Variants in UBE2E2 observed in about 807,000 individuals in gnomAD.
The protein encoded by UBE2E2 is ubiquitin conjugating enzyme E2 E2.
A neutral mutation model predicts 24.7 loss-of-function variants in UBE2E2; 6 were observed. That is an observed-to-expected ratio of 0.24 (90% CI 0.13 to 0.48). The LOEUF is 0.48. UBE2E2 is among the 20% of genes least tolerant of loss of function. The pLI, the probability that UBE2E2 is intolerant of heterozygous loss-of-function variation, is 0.99. For synonymous variants in UBE2E2, 104 were observed against 83.6 expected (o/e 1.24, Z -1.33); for missense variants, 169 against 245.0 (o/e 0.69, Z 2.07).
At chr3:23,514,393 A>G (rs980243591) in intron 4 of UBE2E2, among the ~76,000 whole-genome samples, 1 of 152,172 alleles carries the variant, frequency 6.6e-6, no homozygotes, top group Non-Finnish European at 1.5e-5. Context: ...TAGCCTGTGT[A>G]TCCTTAACAC....
intron 3 of UBE2E2, among the ~76,000 whole-genome samples, chr3:23,237,376 T>A (rs1047612542): frequency 1.2e-4 from 18 of 152,206 alleles, no homozygotes; most frequent in Non-Finnish European, 2.4e-4. Context: ...TCTGCATGTC[T>A]TATTTTTCTC....
At chr3:23,514,413 C>G (rs946768666) in intron 4 of UBE2E2, among the ~76,000 whole-genome samples, 8 of 152,038 alleles carry the variant, frequency 5.3e-5, no homozygotes, top group Non-Finnish European at 1.2e-4. Flanking sequence ...CTTCTGAAAT[C>G]TTTTTTGCCC....
chr3:23,356,857 A>G (rs750807100), intron 3 of UBE2E2, among the ~76,000 whole-genome samples: 3 of 152,200 alleles, frequency 2.0e-5, no homozygotes, highest in African/African-American at 4.8e-5. Context: ...CTGTCTTCTG[A>G]AAAACTGGTC....
chr3:23,463,885 A>G (rs1324175672), intron 3 of UBE2E2, among the ~76,000 whole-genome samples: 2 of 152,314 alleles, frequency 1.3e-5, no homozygotes, highest in East Asian at 1.9e-4. Flanking sequence ...AATTAGAGGA[A>G]TTAATGCCAG....
At chr3:23,257,731 T>C (rs983982895) in intron 3 of UBE2E2, among the ~76,000 whole-genome samples, 3 of 151,888 alleles carry the variant, frequency 2.0e-5, no homozygotes, top group East Asian at 1.9e-4. Context: ...TCTAGTCATA[T>C]TAAAATTACT....
At chr3:23,355,576 G>A (rs993827742) in intron 3 of UBE2E2, among the ~76,000 whole-genome samples, 12 of 152,096 alleles carry the variant, frequency 7.9e-5, no homozygotes, top group African/African-American at 2.7e-4. Flanking sequence ...TTGAAATAGC[G>A]ACTTGTAACT....
chr3:23,499,941 T>G lies in UBE2E2; in HGVS notation c.360+201T>G, dbSNP rs189038629. On this transcript the variant is annotated intron_variant, in intron 4 of 5. Coordinates refer to ENST00000396703, the MANE Select transcript of UBE2E2 (RefSeq NM_152653.4). ...CCCCAGCTTTTTACTGATTTCATTG[T>G]TTTTTTTCTCCTCCTTTTTCTCCTC... is the stretch of plus-strand genomic sequence containing the variant. 1.4e-3 allele frequency among the ~76,000 whole-genome samples: 217 copies of G among 152,084 alleles called. 1 individual carries two copies. Among genetic ancestry groups the G allele is most frequent in the Admixed American group, 1.8e-3 (27 of 15,236 alleles).
chr3:23,414,528 A>G lies in UBE2E2; in HGVS notation c.228-85080A>G, dbSNP rs542925258. On this transcript the variant is annotated intron_variant, in intron 3 of 5. Transcript: ENST00000396703. ...CCAACAATGGGGATTACAGTTGAAC[A>G]TGAGATTTGGGTGGGGACACAGATT... is the stretch of plus-strand genomic sequence containing the variant. Among the ~76,000 whole-genome samples, 4 of 152,338 alleles carry G rather than the reference A, an allele frequency of 2.6e-5. No individual in the cohort carries two copies. The East Asian group carries it at 7.7e-4, about 29-fold the overall frequency.
chr3:23,335,800 C>T (rs926357704), intron 3 of UBE2E2, among the ~76,000 whole-genome samples: 2 of 152,212 alleles, frequency 1.3e-5, no homozygotes. Context: ...TCCCAAAGTG[C>T]TGGGATTACA....
intron 3 of UBE2E2, among the ~76,000 whole-genome samples, chr3:23,251,608 C>A (rs539031553): frequency 6.6e-6 from 1 of 152,232 alleles, no homozygotes; most frequent in East Asian, 1.9e-4. Flanking sequence ...TCTTAAATTA[C>A]CTTAAATAAG....
At chr3:23,296,481 C>G (rs886849888) in intron 3 of UBE2E2, among the ~76,000 whole-genome samples, 12 of 152,100 alleles carry the variant, frequency 7.9e-5, no homozygotes, top group African/African-American at 2.7e-4. Flanking sequence ...ACAACAGGCC[C>G]CAGTGTGTGA....
chr3:23,318,533 C>A (rs7638405), intron 3 of UBE2E2, among the ~76,000 whole-genome samples: 2 of 152,058 alleles, frequency 1.3e-5, no homozygotes, highest in East Asian at 1.9e-4. Flanking sequence ...GTTTAATGGA[C>A]TCACAGTTCC....
At chr3:23,530,363 G>A (rs1695094236) in intron 4 of UBE2E2, among the ~76,000 whole-genome samples, 1 of 152,114 alleles carries the variant, frequency 6.6e-6, no homozygotes, top group African/African-American at 2.4e-5. Context: ...TTATAGCTAT[G>A]TCATTTTCTC....
rs1177900868 is a variant in UBE2E2, at chr3:23,229,786, A to G, written c.227+12474A>G. On this transcript the variant is annotated intron_variant, in intron 3 of 5. Coordinates refer to ENST00000396703, the MANE Select transcript of UBE2E2 (RefSeq NM_152653.4). ...CTGTCCAGTACAGTGGCCACTAGCCATATGTGGACATCGAGTATTTGAAAG... is the reference window on the plus strand; with the variant it reads ...CTGTCCAGTACAGTGGCCACTAGCCGTATGTGGACATCGAGTATTTGAAAG... Among the ~76,000 whole-genome samples, 35 of 152,348 alleles carry G rather than the reference A, an allele frequency of 2.3e-4. 1 individual carries two copies. The highest frequency in any genetic ancestry group is 1.5e-5 in the Non-Finnish European group (1 of 68,030).
chr3:23,259,861 T>C (rs1164808041), intron 3 of UBE2E2, among the ~76,000 whole-genome samples: 1 of 152,196 alleles, frequency 6.6e-6, no homozygotes, highest in Non-Finnish European at 1.5e-5. Flanking sequence ...TTCTCTGCTT[T>C]ATAGTGTCAA....
At chr3:23,222,317 C>T (rs1306368438) in intron 3 of UBE2E2, among the ~76,000 whole-genome samples, 1 of 152,120 alleles carries the variant, frequency 6.6e-6, no homozygotes, top group Non-Finnish European at 1.5e-5. Context: ...CATGGAGGTG[C>T]AGATATCTCT....
intron 3 of UBE2E2, among the ~76,000 whole-genome samples, chr3:23,427,394 C>T (rs1326097658): frequency 6.6e-6 from 1 of 151,926 alleles, no homozygotes; most frequent in Non-Finnish European, 1.5e-5. Context: ...GATGCCACTG[C>T]TCTCCAACCT....
chr3:23,347,865 G>GAA (rs892769312), intron 3 of UBE2E2, among the ~76,000 whole-genome samples: 1 of 151,582 alleles, frequency 6.6e-6, no homozygotes, highest in Non-Finnish European at 1.5e-5. Context: ...GAAAAGAAAA[G>GAA]AAAATATCTT....
chr3:23,566,933 G>A (rs56369673), intron 5 of UBE2E2, among the ~76,000 whole-genome samples: 1 of 152,190 alleles, frequency 6.6e-6, no homozygotes, highest in Non-Finnish European at 1.5e-5. Flanking sequence ...AGAATCCTCA[G>A]GACTTAGTTT....
Sources: allele counts gnomAD v4.1 joint callset (sites outside exome capture counted in the v4.1 genomes callset), GRCh38; gene constraint gnomAD v4.1.1; transcripts MANE v1.5; gene names NCBI Gene and HGNC (gene_info 2026-07-23, HGNC 2026-07-21).